FZD3: variants seen among roughly 807,000 people sequenced by gnomAD.
FZD3 encodes frizzled class receptor 3, also known as frizzled-3.
Under a neutral mutation model 60.7 loss-of-function variants are expected in FZD3, and 30 were observed. The observed-to-expected ratio is 0.49, with a 90% confidence interval of 0.37 to 0.67. The LOEUF (loss-of-function observed/expected upper bound fraction) is 0.67. Among genes scored for constraint, FZD3 ranks in the 30% least tolerant of loss-of-function variants. FZD3 has a pLI of 0.00. For synonymous variants in FZD3, 246 were observed against 275.2 expected, an observed-to-expected ratio of 0.89 and a Z score of 1.05; for missense variants, 605 against 838.7, an observed-to-expected ratio of 0.72 and a Z score of 3.44.
chr8:28,541,863 A>G (rs1376892375), intron 5 of FZD3, among the ~76,000 whole-genome samples: 1 of 152,116 alleles, frequency 6.6e-6, no homozygotes, highest in African/African-American at 2.4e-5. Flanking sequence ...TCTTTCTCAC[A>G]TATCTCAGAT....
At position 28,567,648 on chromosome 8, in the gene FZD3, CT is replaced by C. The variant is rs2130487213; in HGVS notation, c.*4642del. On this transcript the variant is annotated 3_prime_UTR_variant, in exon 8 of 8. Transcript: ENST00000240093. ...AAGGTTACAGTCTTCATTAGTATTT[CT>C]TTTTAGCAATAACAACAAAATAGGC... The C allele has an allele frequency of 6.6e-6, 1 of 152,164 alleles. No individual in the cohort carries two copies. Among genetic ancestry groups the C allele is most frequent in the East Asian group, 1.9e-4 (1 of 5,182 alleles). 9.4% of individuals were successfully genotyped at this position (152,164 alleles called of 1,614,324 possible).
intron 3 of FZD3, among the ~76,000 whole-genome samples, chr8:28,514,317 TAA>T (rs61103140): frequency 9.3e-4 from 141 of 151,342 alleles, no homozygotes; most frequent in African/African-American, 2.5e-3. Context: ...TTGTTAAGGA[TAA>T]AAAAAAAATC....
intron 5 of FZD3, among the ~76,000 whole-genome samples, chr8:28,550,820 G>A (rs1805395435): frequency 6.6e-6 from 1 of 151,780 alleles, no homozygotes; most frequent in Non-Finnish European, 1.5e-5. Flanking sequence ...CCTTAGGTTT[G>A]CTTTATTGAT....
chr8:28,532,812 A>G (rs1804913629), intron 5 of FZD3, among the ~76,000 whole-genome samples: 1 of 152,176 alleles, frequency 6.6e-6, no homozygotes, highest in Admixed American at 6.5e-5. Context: ...TCTAGAAATC[A>G]TGTTGTTTGC....
At position 28,503,102 on chromosome 8, in the gene FZD3, C is replaced by T. The variant is rs771488481; in HGVS notation, c.89C>T (p.Pro30Leu). The T allele has an allele frequency of 1.9e-6, 3 of 1,612,982 alleles. No individual in the cohort carries two copies. The highest frequency in any genetic ancestry group is 2.2e-5 in the East Asian group (1 of 44,864). ...IGGHSLFSCE[P>L]ITLRMCQDLP... Reference sequence around the variant, plus strand: ...GGGCACAGTTTGTTTTCTTGTGAACCTATTACCTTGAGGATGTGCCAAGAT... The same window carrying T: ...GGGCACAGTTTGTTTTCTTGTGAACTTATTACCTTGAGGATGTGCCAAGAT... The change falls in exon 3 of 8, where the codon CCT becomes CTT. Residue 30 changes from proline (P) to leucine (L), a missense_variant. Physicochemically the swap from Pro to Leu is moderately conservative, Grantham distance 98 (BLOSUM62 -3). Coordinates refer to ENST00000240093, the MANE Select transcript of FZD3 (RefSeq NM_017412.4).
At chr8:28,545,145 T>A (rs1039657349) in intron 5 of FZD3, among the ~76,000 whole-genome samples, 2 of 152,136 alleles carry the variant, frequency 1.3e-5, no homozygotes, top group Non-Finnish European at 2.9e-5. Flanking sequence ...GGACAAACAT[T>A]CCAACCATAT....
At chr8:28,526,040 G>A (rs1804707070) in intron 4 of FZD3, among the ~76,000 whole-genome samples, 1 of 152,174 alleles carries the variant, frequency 6.6e-6, no homozygotes, top group Admixed American at 6.5e-5. Flanking sequence ...TTTGCTTTCA[G>A]AAGGGTTGAA....
At position 28,563,831 on chromosome 8, in the gene FZD3, A is replaced by T. The variant is rs1805659346; in HGVS notation, c.*820A>T. 6.5e-6 allele frequency: 1 copy of T among 152,680 alleles called. No individual in the cohort carries two copies. 9.5% of individuals were successfully genotyped at this position (152,680 alleles called of 1,614,324 possible). On this transcript the variant is annotated 3_prime_UTR_variant, in exon 8 of 8. Transcript: ENST00000240093. Reference sequence around the variant, plus strand: ...ATTCATAGAGAACTTAATGTTCAAAATTTGCTTTGTGGAGGCATGTAATAA... The same window carrying T: ...ATTCATAGAGAACTTAATGTTCAAATTTTGCTTTGTGGAGGCATGTAATAA...
intron 6 of FZD3, among the ~76,000 whole-genome samples, chr8:28,554,278 A>G (rs546072372): frequency 9.2e-5 from 14 of 152,354 alleles, no homozygotes; most frequent in African/African-American, 3.1e-4. Flanking sequence ...TTTTGTAACA[A>G]CTAGAAGTCA....
intron 3 of FZD3, among the ~76,000 whole-genome samples, chr8:28,509,134 GTTTTAT>G (rs1020764142): frequency 5.9e-5 from 9 of 151,818 alleles, no homozygotes; most frequent in Non-Finnish European, 1.2e-4. Flanking sequence ...AGGTTCATAT[GTTTTAT>G]TTTGATTTTG....
intron 1 of FZD3, among the ~76,000 whole-genome samples, chr8:28,495,942 C>T (rs1379105914): frequency 1.3e-5 from 2 of 152,088 alleles, no homozygotes; most frequent in Non-Finnish European, 1.5e-5. Flanking sequence ...CCCCTTTTCC[C>T]TCATCCACTA....
chr8:28,562,984 T>C lies in FZD3; in HGVS notation c.1974T>C (p.Val658=), dbSNP rs1253461037. 2 of 1,612,906 alleles carry C rather than the reference T, an allele frequency of 1.2e-6. No individual in the cohort carries two copies. Among genetic ancestry groups the C allele is most frequent in the South Asian group, 1.1e-5 (1 of 91,068 alleles). ...CACATGGCACCAGCATGAATCGGGTTATTGAAGAAGATGGAACCAGTGCTT... is the reference window on the plus strand; with the variant it reads ...CACATGGCACCAGCATGAATCGGGTCATTGAAGAAGATGGAACCAGTGCTT... ...HITHGTSMNR[V]IEEDGTSA is the part of the protein sequence containing the mutation. Residue 658 remains valine (V), a synonymous_variant, in exon 8 of 8, where the codon GTT becomes GTC. Transcript: ENST00000240093.
At chr8:28,539,386 T>C (rs972013849) in intron 5 of FZD3, among the ~76,000 whole-genome samples, 5 of 152,242 alleles carry the variant, frequency 3.3e-5, no homozygotes, top group African/African-American at 1.2e-4. Flanking sequence ...ATGTGAAATT[T>C]GTTTTGCTGT....
chr8:28,528,337 T>C (rs1234554897), intron 5 of FZD3, among the ~76,000 whole-genome samples, 173 bp downstream of exon 5: 3 of 152,186 alleles, frequency 2.0e-5, no homozygotes, highest in Non-Finnish European at 4.4e-5. Flanking sequence ...ATACACATAT[T>C]TGATAGACAT....
At chr8:28,535,688 C>T (rs935455539) in intron 5 of FZD3, among the ~76,000 whole-genome samples, 2 of 152,088 alleles carry the variant, frequency 1.3e-5, no homozygotes, top group African/African-American at 4.8e-5. Context: ...GAAATATAGT[C>T]TGAGTAGTCA....
intron 5 of FZD3, among the ~76,000 whole-genome samples, chr8:28,532,431 T>G (rs1248709523): frequency 6.6e-6 from 1 of 152,150 alleles, no homozygotes; most frequent in Admixed American, 6.5e-5. Context: ...TTTAAAAAAT[T>G]TTTAATTTAT....
intron 3 of FZD3, among the ~76,000 whole-genome samples, chr8:28,507,408 A>G (rs1328726334): frequency 2.0e-5 from 3 of 151,918 alleles, no homozygotes; most frequent in African/African-American, 4.8e-5. Flanking sequence ...TTGGTTTTTT[A>G]TTGTTGTTTT....
chr8:28,528,096 C>T lies in FZD3; in HGVS notation c.1336C>T (p.Arg446Trp). 16 of 1,613,748 alleles carry T rather than the reference C, an allele frequency of 9.9e-6. No homozygotes were observed. Among genetic ancestry groups the T allele is most frequent in the Non-Finnish European group, 1.4e-5 (16 of 1,179,764 alleles). The change falls in exon 5 of 8, where the codon CGG (arginine) becomes TGG (tryptophan). Residue 446 changes from arginine (R) to tryptophan (W), a missense_variant. Arg to Trp is a moderately radical substitution (Grantham distance 101). Coordinates refer to ENST00000240093, the MANE Select transcript of FZD3 (RefSeq NM_017412.4). ...IGCYFYEQAYRGIWETTWIQE... is the reference protein window; with the variant it reads ...IGCYFYEQAYWGIWETTWIQE... ...ATGCTACTTTTATGAGCAAGCTTAC[C>T]GGGGCATCTGGGAAACAACGTGGAT... is the stretch of plus-strand genomic sequence containing the variant.
chr8:28,505,835 T>C (rs759768542), intron 3 of FZD3, among the ~76,000 whole-genome samples: 8 of 152,210 alleles, frequency 5.3e-5, no homozygotes, highest in Non-Finnish European at 8.8e-5. Flanking sequence ...CTCTGTACTT[T>C]TATTGAGATT....
Sources: gnomAD v4.1 joint callset for allele counts (sites outside exome capture counted in the v4.1 genomes callset) on GRCh38, gnomAD v4.1.1 for gene constraint, MANE v1.5 for transcripts, NCBI Gene and HGNC (gene_info 2026-07-23, HGNC 2026-07-21) for gene names.